Variants in CDK19 observed in about 807,000 individuals in gnomAD.
CDK19 encodes cyclin dependent kinase 19, also known as cyclin-dependent kinase 19.
A neutral mutation model predicts 68.3 loss-of-function variants in CDK19; 20 were observed. The ratio of observed to expected loss-of-function variants is 0.29; its 90% CI spans 0.21 to 0.43. The LOEUF (loss-of-function observed/expected upper bound fraction) is 0.43. CDK19 is among the 20% of genes least tolerant of loss of function. CDK19 has a pLI of 1.00. For missense variants in CDK19, 339 were observed against 623.5 expected, an observed-to-expected ratio of 0.54 and a Z score of 4.86; for synonymous variants, 221 against 222.8, an observed-to-expected ratio of 0.99 and a Z score of 0.07.
At chr6:110,795,713 A>G (rs557228005) in intron 1 of CDK19, among the ~76,000 whole-genome samples, 1 of 152,316 alleles carries the variant, frequency 6.6e-6, no homozygotes, top group Admixed American at 6.5e-5. Context: ...AGACACAACA[A>G]CAGCTATTAG....
intron 2 of CDK19, among the ~76,000 whole-genome samples, chr6:110,680,527 CCTA>C (rs1015570216): frequency 1.3e-5 from 2 of 152,100 alleles, no homozygotes; most frequent in Non-Finnish European, 1.5e-5. Flanking sequence ...AGTTAACTTT[CCTA>C]CTGTTGTTTA....
chr6:110,626,310 A>C (rs192530108), intron 8 of CDK19, among the ~76,000 whole-genome samples: 1 of 152,238 alleles, frequency 6.6e-6, no homozygotes, highest in East Asian at 1.9e-4. Flanking sequence ...CTCAGTTTCT[A>C]GTTTAAATAA....
chr6:110,701,181 G>T (rs1773969763), intron 2 of CDK19, among the ~76,000 whole-genome samples: 1 of 151,782 alleles, frequency 6.6e-6, no homozygotes, highest in Non-Finnish European at 1.5e-5. Flanking sequence ...TCTAGCCTGG[G>T]TGACAGAGCG....
At chr6:110,801,354 G>A (rs778721290) in intron 1 of CDK19, among the ~76,000 whole-genome samples, 7 of 152,166 alleles carry the variant, frequency 4.6e-5, no homozygotes, top group South Asian at 2.1e-4. Flanking sequence ...GCTTAATGGT[G>A]TACGCCTGTG....
At chr6:110,631,752 C>T (rs930478034) in intron 6 of CDK19, among the ~76,000 whole-genome samples, 1 of 152,168 alleles carries the variant, frequency 6.6e-6, no homozygotes, top group African/African-American at 2.4e-5. Flanking sequence ...CTACTAAGTA[C>T]AAAATAAAAT....
At chr6:110,770,557 G>C (rs911800130) in intron 1 of CDK19, among the ~76,000 whole-genome samples, 2 of 152,154 alleles carry the variant, frequency 1.3e-5, no homozygotes, top group African/African-American at 4.8e-5. Flanking sequence ...TAGAATTCAA[G>C]ATGAGATTTG....
chr6:110,654,683 G>A (rs1260935953), intron 4 of CDK19, among the ~76,000 whole-genome samples: 1 of 152,236 alleles, frequency 6.6e-6, no homozygotes, highest in Non-Finnish European at 1.5e-5. Context: ...GCTCATGCCT[G>A]TAATCCCAGA....
At chr6:110,710,598 A>G (rs1774867075) in intron 2 of CDK19, among the ~76,000 whole-genome samples, 1 of 152,186 alleles carries the variant, frequency 6.6e-6, no homozygotes, top group Admixed American at 6.5e-5. Context: ...AGGCACCAGG[A>G]GATTTGCTGT....
intron 4 of CDK19, among the ~76,000 whole-genome samples, chr6:110,643,797 T>C (rs965480944): frequency 5.3e-5 from 8 of 152,106 alleles, no homozygotes; most frequent in African/African-American, 1.4e-4. Flanking sequence ...ATTTACTCTA[T>C]AGGCAAAGCC....
intron 1 of CDK19, among the ~76,000 whole-genome samples, chr6:110,770,907 G>C (rs1011234729): frequency 3.3e-5 from 5 of 152,190 alleles, no homozygotes; most frequent in Admixed American, 1.3e-4. Context: ...AAATTTTAAA[G>C]CTCCAAAATG....
chr6:110,810,862 A>G (rs779070101), intron 1 of CDK19, among the ~76,000 whole-genome samples: 1 of 151,808 alleles, frequency 6.6e-6, no homozygotes, highest in Non-Finnish European at 1.5e-5. Flanking sequence ...AATGTCCTGT[A>G]TATGTGATAA....
intron 1 of CDK19, among the ~76,000 whole-genome samples, chr6:110,800,015 A>G (rs1782238939): frequency 6.6e-6 from 1 of 152,188 alleles, no homozygotes; most frequent in Non-Finnish European, 1.5e-5. Context: ...CAACATATTC[A>G]TCTACTCAGC....
chr6:110,639,999 G>A (rs1382665947), intron 4 of CDK19, among the ~76,000 whole-genome samples: 1 of 152,138 alleles, frequency 6.6e-6, no homozygotes, highest in Non-Finnish European at 1.5e-5. Context: ...ACTCACCTGA[G>A]TCTAGGAGTT....
At chr6:110,798,162 T>A (rs1246764615) in intron 1 of CDK19, among the ~76,000 whole-genome samples, 3 of 151,920 alleles carry the variant, frequency 2.0e-5, no homozygotes, top group South Asian at 2.1e-4. Context: ...TAACAAGAGT[T>A]CCATCCCAGG....
intron 2 of CDK19, among the ~76,000 whole-genome samples, chr6:110,678,515 C>G (rs1771722686): frequency 1.3e-5 from 2 of 152,158 alleles, no homozygotes; most frequent in African/African-American, 2.4e-5. Context: ...TAACTCTTTT[C>G]CCAAATATCT....
chr6:110,719,694 TTAAA>T (rs1370960235), intron 2 of CDK19, among the ~76,000 whole-genome samples: 19 of 152,268 alleles, frequency 1.2e-4, no homozygotes, highest in Middle Eastern at 6.8e-3. Context: ...ACTGTTTCTC[TTAAA>T]TAAAGAGTTA....
chr6:110,697,206 G>C (rs558303654), intron 2 of CDK19, among the ~76,000 whole-genome samples: 2 of 151,724 alleles, frequency 1.3e-5, no homozygotes, highest in East Asian at 3.9e-4. Context: ...CTCCAGCCCG[G>C]GCAACAAGAG....
intron 1 of CDK19, among the ~76,000 whole-genome samples, chr6:110,770,668 A>G (rs1779953889): frequency 6.6e-6 from 1 of 152,144 alleles, no homozygotes; most frequent in Non-Finnish European, 1.5e-5. Flanking sequence ...AGAGTCCCTC[A>G]AAGTCTTAAC....
At chr6:110,777,091 A>C (rs903194672) in intron 1 of CDK19, among the ~76,000 whole-genome samples, 1 of 152,232 alleles carries the variant, frequency 6.6e-6, no homozygotes, top group Non-Finnish European at 1.5e-5. Flanking sequence ...ATCTATCTAT[A>C]TGTCAGAAGC....
Sources: gnomAD v4.1 joint callset for allele counts (sites outside exome capture counted in the v4.1 genomes callset) on GRCh38, gnomAD v4.1.1 for gene constraint, MANE v1.5 for transcripts, NCBI Gene and HGNC (gene_info 2026-07-23, HGNC 2026-07-21) for gene names.